KLRG1: variants seen among roughly 807,000 people sequenced by gnomAD.
The protein encoded by KLRG1 is killer cell lectin-like receptor subfamily G member 1.
KLRG1 carries 16 observed loss-of-function variants against 21.8 expected under a neutral mutation model. The ratio of observed to expected loss-of-function variants is 0.73; its 90% confidence interval spans 0.50 to 1.11. The LOEUF (loss-of-function observed/expected upper bound fraction) is 1.11. KLRG1 is among the 50% of genes most tolerant of loss of function. The pLI is 0.00. For synonymous variants in KLRG1, 69 were observed against 75.9 expected (o/e 0.91, Z 0.47); for missense variants, 173 against 218.3 (o/e 0.79, Z 1.31).
At chr12:9,166,007 A>G in the KLRG1 span, 3 of 1,561,926 alleles carry the variant, frequency 1.9e-6, no homozygotes, top group African/African-American at 4.1e-5. Context: ...TGGAGGAACC[A>G]CATTCCCTCC....
rs1281113731 is a variant in KLRG1, at chr12:8,995,180, T to C, written c.249T>C (p.Gly83=). The change falls in exon 3 of 5, where the codon GGT becomes GGC. Residue 83 remains glycine, a synonymous_variant. Transcript: ENST00000356986. ...GCCCAGACCGCTGGATGAAATATGG[T>C]AACCATTGTTATTATTTCTCAGTGG... ...PSCPDRWMKY[G]NHCYYFSVEE... is the part of the protein sequence containing the mutation. The C allele has an allele frequency of 6.2e-7, 1 of 1,613,740 alleles. No individual in the cohort carries two copies. Among genetic ancestry groups the C allele is most frequent in the African/African-American group, 1.3e-5 (1 of 75,028 alleles).
At chr12:9,004,094 AG>A (rs1228815655) in intron 3 of KLRG1, among the ~76,000 whole-genome samples, 2 of 151,998 alleles carry the variant, frequency 1.3e-5, no homozygotes, top group African/African-American at 4.8e-5. Context: ...TTCTTAATCC[AG>A]TCTATCATTG....
the KLRG1 span, among the ~76,000 whole-genome samples, chr12:9,071,596 C>A: frequency 6.6e-6 from 1 of 152,246 alleles, no homozygotes; most frequent in South Asian, 2.1e-4. Context: ...CTCCTCCCAT[C>A]CTTAACCCTC....
At chr12:9,025,499 C>T in the KLRG1 span, among the ~76,000 whole-genome samples, 1,551 of 152,042 alleles carry the variant, frequency 0.01, 26 homozygotes, top group African/African-American at 0.035. Context: ...TAGCTGAGCA[C>T]GTTAGCACAT....
chr12:9,148,837 T>C, the KLRG1 span: 7 of 699,466 alleles, frequency 1.0e-5, no homozygotes, highest in Non-Finnish European at 1.5e-5. Context: ...ATGCAACAAG[T>C]GATAGTTTGA....
chr12:9,031,584 A>C, the KLRG1 span, among the ~76,000 whole-genome samples: 7 of 152,324 alleles, frequency 4.6e-5, no homozygotes, highest in East Asian at 1.3e-3. Context: ...CAAACTCTAT[A>C]AAATATTTGA....
At chr12:8,986,902 C>A (rs2137309555), upstream of KLRG1, among the ~76,000 whole-genome samples, 1 of 152,222 alleles carries the variant, frequency 6.6e-6, no homozygotes, top group South Asian at 2.1e-4. Context: ...GTGTGTAACA[C>A]CTCCCCGCGT....
At chr12:9,112,720 C>G in the KLRG1 span, 1 of 606,942 alleles carries the variant, frequency 1.6e-6, no homozygotes, top group African/African-American at 1.9e-5. Flanking sequence ...AGACAGGACA[C>G]AAGGTGGAGG....
chr12:9,177,253 G>A, the KLRG1 span, among the ~76,000 whole-genome samples: 1 of 152,320 alleles, frequency 6.6e-6, no homozygotes, highest in South Asian at 2.1e-4. Flanking sequence ...TGGATCACAT[G>A]CTCTGGAGAA....
chr12:9,070,674 T>C, the KLRG1 span: 1 of 787,998 alleles, frequency 1.3e-6, no homozygotes. Context: ...CTCTAAAAGG[T>C]ACACGTAAGT....
chr12:9,158,656 C>A, the KLRG1 span: 11 of 1,395,462 alleles, frequency 7.9e-6, no homozygotes, highest in Non-Finnish European at 1.1e-5. Flanking sequence ...CAGGCTCCCC[C>A]ATCACAGTGT....
the KLRG1 span, chr12:9,072,625 C>T: frequency 1.2e-6 from 2 of 1,609,428 alleles, no homozygotes; most frequent in Non-Finnish European, 1.7e-6. Context: ...CCTCATCTGT[C>T]CTGTCCTCAC....
chr12:9,043,248 G>A, the KLRG1 span, among the ~76,000 whole-genome samples: 1 of 151,932 alleles, frequency 6.6e-6, no homozygotes, highest in Admixed American at 6.6e-5. Flanking sequence ...GTTAATTTTT[G>A]TATTTTTTTA....
chr12:9,091,404 C>T, the KLRG1 span: 6 of 1,614,038 alleles, frequency 3.7e-6, no homozygotes, highest in African/African-American at 4.0e-5. Flanking sequence ...GGGACTGTTA[C>T]TCCTACCTCA....
chr12:9,023,974 C>A, the KLRG1 span, among the ~76,000 whole-genome samples: 1 of 119,128 alleles, frequency 8.4e-6, no homozygotes, highest in Admixed American at 8.5e-5. Context: ...CCATTGAATT[C>A]TTTTGGCACC....
Position 9,009,577 on chromosome 12 carries a change from A to G in KLRG1, c.*40A>G. 2 of 1,606,412 alleles carry G rather than the reference A, an allele frequency of 1.2e-6. No homozygotes were observed. Among genetic ancestry groups the G allele is most frequent in the Non-Finnish European group, 8.5e-7 (1 of 1,175,592 alleles). On this transcript the variant is annotated 3_prime_UTR_variant, in exon 5 of 5. Coordinates refer to ENST00000356986, the MANE Select transcript of KLRG1 (RefSeq NM_005810.4). ...GTCCTGACCCTCAGATCTGTCATGT[A>G]TCCCTAAAAGGAGGGAGCTGGCCAC...
the KLRG1 span, chr12:9,068,065 C>A: frequency 8.3e-7 from 1 of 1,198,194 alleles, no homozygotes; most frequent in South Asian, 1.4e-5. Context: ...TAATAATGTG[C>A]AGTGTGAGTA....
At chr12:9,180,962 C>A in the KLRG1 span, 1 of 1,607,268 alleles carries the variant, frequency 6.2e-7, no homozygotes, top group Non-Finnish European at 8.5e-7. Flanking sequence ...TTCCTGGTCC[C>A]CAAGGCCACT....
At chr12:8,996,705 A>C (rs1357549269) in intron 3 of KLRG1, 1 of 152,140 alleles carries the variant, frequency 6.6e-6, no homozygotes, top group African/African-American at 2.4e-5. Flanking sequence ...AGCCTTCTCT[A>C]AGTGAGGTGG....
Sources: gnomAD v4.1 joint callset for allele counts (sites outside exome capture counted in the v4.1 genomes callset) on GRCh38, gnomAD v4.1.1 for gene constraint, MANE v1.5 for transcripts, NCBI Gene and HGNC (gene_info 2026-07-23, HGNC 2026-07-21) for gene names.